Variants in SCART1 observed in about 807,000 individuals in gnomAD.
The protein encoded by SCART1 is scavenger receptor cysteine-rich domain-containing protein SCART1.
In SCART1, 62 loss-of-function variants were observed where a neutral mutation model predicts 36.2. The ratio of observed to expected loss-of-function variants is 1.71; its 90% CI spans 1.40 to 2.12. The LOEUF is 2.12. Ranked by LOEUF, SCART1 falls within the 30% of genes most tolerant of loss-of-function variation. The pLI is 0.00. For missense variants in SCART1, 1,041 were observed against 540.5 expected (o/e 1.93, Z -9.18); for synonymous variants, 487 against 238.7 (o/e 2.04, Z -9.59).
At chr10:133,468,094 A>C (rs1170558143) in exon 12 of SCART1, 35 of 567,382 alleles carry the variant, frequency 6.2e-5, no homozygotes, top group Non-Finnish European at 1.0e-4. Flanking sequence ...CTCCATGTCC[A>C]TGTAAAATCC....
chr10:133,467,415 A>T (rs1195620490), intron 11 of SCART1, 62 bp downstream of exon 11: 4 of 651,292 alleles, frequency 6.1e-6, no homozygotes, highest in Non-Finnish European at 8.3e-6. Context: ...TGACCACAAG[A>T]TGCAGTGGAA....
At chr10:133,460,982 T>A (rs918346780) in intron 6 of SCART1, among the ~76,000 whole-genome samples, 1 of 152,006 alleles carries the variant, frequency 6.6e-6, no homozygotes, top group Non-Finnish European at 1.5e-5. Flanking sequence ...GCGATCCACC[T>A]GCCTCAGCCT....
In SCART1 at chr10:133,456,315, G is replaced by A; in HGVS notation, c.146G>A (p.Trp49Ter). The A allele has an allele frequency of 1.4e-6, 1 of 702,978 alleles. No homozygotes were observed. 43.5% of individuals were successfully genotyped at this position (702,978 alleles called of 1,614,324 possible). A position where few individuals can be genotyped will look rare whatever the true frequency, so the allele number is the denominator to read the frequency against. Residue 49 changes from tryptophan (W) to a stop codon, truncating the protein, a stop_gained, in exon 2 of 12, where the codon TGG becomes TAG. Coordinates refer to ENST00000640237, the Ensembl canonical transcript of SCART1. LOFTEE classifies it high-confidence loss of function. ...GTGTTGGTCCGACACCACGGGGCAT[G>A]GGGATACGTGTGCAACCAGGAGTGG...
In SCART1 at chr10:133,459,012, C is replaced by T; in HGVS notation, c.980-9C>T. 1.5e-6 allele frequency: 1 copy of T among 668,530 alleles called. No homozygotes were observed. The highest frequency in any genetic ancestry group is 1.6e-5 in the South Asian group (1 of 62,996). 41.4% of individuals were successfully genotyped at this position (668,530 alleles called of 1,614,324 possible). On this transcript the variant is annotated splice_polypyrimidine_tract_variant and intron_variant, in intron 4 of 11. Transcript: ENST00000640237. Reference sequence around the variant, plus strand: ...TCTGCAAGCCAGGCTGACTCCTCCTCTCCCCCAGAGTTCAGGATGGTCAAC... The same window carrying T: ...TCTGCAAGCCAGGCTGACTCCTCCTTTCCCCCAGAGTTCAGGATGGTCAAC...
chr10:133,455,595 G>T (rs984079481), intron 1 of SCART1, among the ~76,000 whole-genome samples: 1 of 152,180 alleles, frequency 6.6e-6, no homozygotes, highest in African/African-American at 2.4e-5. Context: ...CTGTGTTGAT[G>T]TGGGGTTGCA....
At chr10:133,458,991 C>G in intron 4 of SCART1, 30 bp from the exon 5 acceptor site, 1 of 650,766 alleles carries the variant, frequency 1.5e-6, no homozygotes, top group African/African-American at 1.8e-5. Context: ...CGGCCGTCTG[C>G]AAGCCAGGCT....
exon 5 of SCART1, chr10:133,459,066 A>G (rs957572692): frequency 1.4e-6 from 1 of 700,776 alleles, no homozygotes; most frequent in African/African-American, 1.7e-5. Flanking sequence ...GGCCGCGTGG[A>G]GTTCCAGGTG....
At chr10:133,457,420 G>A (rs925752405) in exon 3 of SCART1, 3 of 702,188 alleles carry the variant, frequency 4.3e-6, no homozygotes, top group African/African-American at 3.5e-5. Context: ...GAGCTGGGGT[G>A]CGGCCCTGTG....
chr10:133,468,785 A>G (rs767797262), exon 12 of SCART1: 5 of 152,140 alleles, frequency 3.3e-5, no homozygotes, highest in Admixed American at 6.5e-5. Context: ...AAACAAACTT[A>G]CCTTTATCAT....
intron 2 of SCART1, 43 bp from the exon 3 acceptor site, chr10:133,457,236 A>G: frequency 1.5e-6 from 1 of 687,792 alleles, no homozygotes. Flanking sequence ...CCATGCGGCC[A>G]GCTGGGTCCA....
intron 1 of SCART1, 33 bp downstream of exon 1, chr10:133,454,097 T>C: frequency 1.4e-6 from 1 of 702,526 alleles, no homozygotes; most frequent in South Asian, 1.5e-5. Context: ...CATGGAACTT[T>C]CTGGAGGCAT....
chr10:133,464,967 G>C (rs921375349), intron 7 of SCART1, 56 bp downstream of exon 7: 8 of 702,622 alleles, frequency 1.1e-5, no homozygotes, highest in Admixed American at 4.0e-5. Context: ...CCTGGGAAGA[G>C]GTTTATCTGT....
intron 6 of SCART1, among the ~76,000 whole-genome samples, chr10:133,460,579 AGGCT>A (rs1480486339): frequency 1.4e-5 from 2 of 145,238 alleles, no homozygotes; most frequent in African/African-American, 5.2e-5. Flanking sequence ...TGTGTTGCCC[AGGCT>A]GGAGTGCAGT....
chr10:133,463,788 G>T (rs1039360725), intron 6 of SCART1, among the ~76,000 whole-genome samples: 1 of 152,116 alleles, frequency 6.6e-6, no homozygotes, highest in Non-Finnish European at 1.5e-5. Flanking sequence ...AATTGGCAAA[G>T]CCATCATCTC....
chr10:133,463,214 A>C (rs1850723002), intron 6 of SCART1, among the ~76,000 whole-genome samples: 1 of 150,706 alleles, frequency 6.6e-6, no homozygotes, highest in Admixed American at 6.6e-5. Flanking sequence ...GCTGAGGTAC[A>C]CACACACACA....
chr10:133,459,426 G>T (rs1051337315), intron 5 of SCART1, 61 bp from the exon 6 acceptor site: 2 of 615,340 alleles, frequency 3.3e-6, no homozygotes, highest in Non-Finnish European at 5.8e-6. Flanking sequence ...GGGCCCTGCT[G>T]GGGGGTGGTC....
rs1178437572 is a variant in SCART1 at position 133,460,189 on chromosome 10, T to C, written c.1969+19T>C. ...TGCTCAGGTGAGCGGCCGTTGGGTA[T>C]GGAATGATCATGCTGTTTTATTACG... On this transcript the variant is annotated intron_variant, in intron 6 of 11. Transcript: ENST00000640237. The C allele has an allele frequency of 4.3e-6, 2 of 469,906 alleles. No individual in the cohort carries two copies. The highest frequency in any genetic ancestry group is 7.5e-6 in the Non-Finnish European group (2 of 267,460). 29.1% of individuals were successfully genotyped at this position (469,906 alleles called of 1,614,324 possible).
rs1434242665 is a variant in SCART1 at position 133,458,525 on chromosome 10, TCGGC to T, written c.852_855del (p.Arg285AlafsTer74). Reference sequence around the variant, plus strand: ...GTGTCCACGCCCGAGGGCGCCCGCTTCGGCCGGGGCTCGGGGCCGGTGTGGACGG... The same window carrying T: ...GTGTCCACGCCCGAGGGCGCCCGCTTCGGGGCTCGGGGCCGGTGTGGACGG... On this transcript the variant is annotated frameshift_variant, in exon 4 of 12. Coordinates refer to ENST00000640237, the Ensembl canonical transcript of SCART1. LOFTEE classifies it high-confidence loss of function. The T allele has an allele frequency of 3.0e-6, 2 of 674,974 alleles. No homozygotes were observed. The highest frequency in any genetic ancestry group is 3.6e-5 in the African/African-American group (2 of 55,526). 41.8% of individuals were successfully genotyped at this position (674,974 alleles called of 1,614,324 possible).
intron 6 of SCART1, among the ~76,000 whole-genome samples, chr10:133,460,570 G>A (rs2133554876): frequency 7.1e-6 from 1 of 141,590 alleles, no homozygotes; most frequent in East Asian, 2.1e-4. Context: ...CGGTCTCACT[G>A]TGTTGCCCAG....
Sources: allele counts gnomAD v4.1 joint callset (sites outside exome capture counted in the v4.1 genomes callset), GRCh38; gene constraint gnomAD v4.1.1; transcripts MANE v1.5; gene names NCBI Gene and HGNC (gene_info 2026-07-23, HGNC 2026-07-21).